The following GALNT14 variants were observed in gnomAD, a reference collection of about 807,000 sequenced individuals.
GALNT14 encodes polypeptide N-acetylgalactosaminyltransferase 14.
GALNT14 carries 60 observed loss-of-function variants against 77.5 expected under a neutral mutation model. The observed-to-expected ratio is 0.77, with a 90% confidence interval of 0.63 to 0.96. GALNT14 has a LOEUF of 0.96. Among genes scored for constraint, GALNT14 ranks in the 40% least tolerant of loss-of-function variants. The probability of loss-of-function intolerance (pLI) is 0.00; values close to 1 mark genes in which losing one functional copy is unlikely to be tolerated. For missense variants in GALNT14, 710 were observed against 731.0 expected (o/e 0.97, Z 0.33); for synonymous variants, 280 against 281.7 (o/e 0.99, Z 0.06).
chr2:30,952,762 A>G (rs1667107221), intron 6 of GALNT14, among the ~76,000 whole-genome samples: 1 of 145,306 alleles, frequency 6.9e-6, no homozygotes, highest in Non-Finnish European at 1.5e-5. Context: ...AAGCATAATA[A>G]AAAAAAAAAA....
At chr2:31,045,447 C>T (rs945911857) in intron 1 of GALNT14, among the ~76,000 whole-genome samples, 1 of 152,118 alleles carries the variant, frequency 6.6e-6, no homozygotes, top group African/African-American at 2.4e-5. Flanking sequence ...CATGACCCCT[C>T]CCCCATTTTC....
chr2:30,941,246 A>G (rs1666362257), intron 9 of GALNT14, among the ~76,000 whole-genome samples: 1 of 152,180 alleles, frequency 6.6e-6, no homozygotes, highest in African/African-American at 2.4e-5. Flanking sequence ...TGATGTGTTC[A>G]TTCAACAAAT....
chr2:30,950,133 C>T (rs987922929), intron 6 of GALNT14, among the ~76,000 whole-genome samples: 3 of 152,142 alleles, frequency 2.0e-5, no homozygotes, highest in African/African-American at 7.2e-5. Flanking sequence ...GAGAGAAAGG[C>T]ATGTGATAAG....
Position 31,138,221 on chromosome 2 carries a change from G to T in GALNT14, c.-135C>A. Reference sequence around the variant, plus strand: ...AGACCCAGGATCCGGTTGGAGGGGCGGCAGGATCCTGCAAGGCGCCCTTCC... The same window carrying T: ...AGACCCAGGATCCGGTTGGAGGGGCTGCAGGATCCTGCAAGGCGCCCTTCC... On this transcript the variant is annotated 5_prime_UTR_variant, in exon 1 of 15. Transcript: ENST00000349752. The T allele has an allele frequency of 1.8e-6, 2 of 1,119,522 alleles. No homozygotes were observed. Among genetic ancestry groups the T allele is most frequent in the Non-Finnish European group, 2.5e-6 (2 of 788,792 alleles). The allele number at this position is 1,119,522 out of a possible 1,614,324, so 69.3% of individuals were successfully genotyped here. A position where few individuals can be genotyped will look rare whatever the true frequency, so the allele number is the denominator to read the frequency against.
chr2:30,962,174 CCA>C (rs2148333196), intron 3 of GALNT14, among the ~76,000 whole-genome samples: 1 of 152,314 alleles, frequency 6.6e-6, no homozygotes, highest in African/African-American at 2.4e-5. Context: ...AGGCACTGCT[CCA>C]AGTCCTTTCC....
At chr2:31,083,773 C>A (rs916280892) in intron 1 of GALNT14, among the ~76,000 whole-genome samples, 11 of 152,238 alleles carry the variant, frequency 7.2e-5, no homozygotes, top group Admixed American at 2.0e-4. Flanking sequence ...GGCACTGCTG[C>A]CCTGTGCTAG....
chr2:30,979,214 AG>A (rs1177263094), intron 2 of GALNT14, among the ~76,000 whole-genome samples: 6 of 152,184 alleles, frequency 3.9e-5, no homozygotes, highest in Admixed American at 2.0e-4. Flanking sequence ...CCCAGACGAG[AG>A]GGGGCAGCGG....
At chr2:30,904,061 G>A in the GALNT14 span, among the ~76,000 whole-genome samples, 1 of 152,192 alleles carries the variant, frequency 6.6e-6, no homozygotes, top group Non-Finnish European at 1.5e-5. Flanking sequence ...GCAAGGAGTG[G>A]TGTCAGAATC....
chr2:31,132,765 G>C (rs1358712050), intron 1 of GALNT14: 1 of 470,570 alleles, frequency 2.1e-6, no homozygotes, highest in Non-Finnish European at 4.4e-6. Flanking sequence ...CATCTTGCCT[G>C]GGGGCCAGAC....
In GALNT14 at chr2:30,945,079, T is replaced by C. The variant is rs1038509296; in HGVS notation, c.743-137A>G. ...AGAGGCCGGTCCCTGGGATTGCAGG[T>C]TTCCCTAGGCTGATCAGCAGCATGG... is the stretch of plus-strand genomic sequence containing the variant. On this transcript the variant is annotated intron_variant, in intron 7 of 14. Transcript: ENST00000349752. 2.4e-5 allele frequency: 15 copies of C among 630,890 alleles called. No homozygotes were observed. The African/African-American group carries it at 2.7e-4, about 11-fold the overall frequency. The allele number at this position is 630,890 out of a possible 1,614,324, so 39.1% of individuals were successfully genotyped here.
At chr2:31,104,561 C>A (rs1208875391) in intron 1 of GALNT14, among the ~76,000 whole-genome samples, 1 of 152,182 alleles carries the variant, frequency 6.6e-6, no homozygotes, top group Non-Finnish European at 1.5e-5. Flanking sequence ...ACTTCCAGGT[C>A]CAGGATCCTA....
chr2:31,067,881 C>G (rs184658828), intron 1 of GALNT14, among the ~76,000 whole-genome samples: 1 of 152,152 alleles, frequency 6.6e-6, no homozygotes, highest in South Asian at 2.1e-4. Flanking sequence ...GCATGCACAC[C>G]GTTACTCCTC....
rs751324595 is a variant in GALNT14 at position 30,924,720 on chromosome 2, C to T, written c.1235+20G>A. On this transcript the variant is annotated intron_variant, in intron 12 of 14. Transcript: ENST00000349752. ...CCTCTGCTTTCAGCCAGCCAAAGCT[C>T]CAACAGGTAGGACGGATACCTGAGT... 6.2e-7 allele frequency: 1 copy of T among 1,609,850 alleles called. No individual in the cohort carries two copies. The highest frequency in any genetic ancestry group is 8.5e-7 in the Non-Finnish European group (1 of 1,176,404).
At chr2:30,931,554 C>T (rs1665729573) in intron 10 of GALNT14, among the ~76,000 whole-genome samples, 1 of 152,068 alleles carries the variant, frequency 6.6e-6, no homozygotes, top group Admixed American at 6.5e-5. Flanking sequence ...AGACAGGAGC[C>T]CAGGGTCTCA....
At chr2:30,923,844 A>G (rs1346572555) in intron 13 of GALNT14, among the ~76,000 whole-genome samples, 1 of 152,162 alleles carries the variant, frequency 6.6e-6, no homozygotes, top group Non-Finnish European at 1.5e-5. Context: ...CAACTACAAC[A>G]AACTCATTAA....
chr2:31,043,478 G>A (rs897447257), intron 1 of GALNT14, among the ~76,000 whole-genome samples: 4 of 152,190 alleles, frequency 2.6e-5, no homozygotes, highest in African/African-American at 9.7e-5. Context: ...AGAAGAAACA[G>A]TGTAGACAAA....
At chr2:31,060,162 G>A (rs531393372) in intron 1 of GALNT14, among the ~76,000 whole-genome samples, 1 of 152,292 alleles carries the variant, frequency 6.6e-6, no homozygotes, top group African/African-American at 2.4e-5. Flanking sequence ...GGGTGAGGAG[G>A]AAACCAGTAC....
intron 13 of GALNT14, among the ~76,000 whole-genome samples, chr2:30,923,187 T>A (rs1448002290): frequency 6.7e-6 from 1 of 149,656 alleles, no homozygotes; most frequent in African/African-American, 2.5e-5. Context: ...CTCAGCCCCC[T>A]GAGTAGCTGG....
chr2:30,923,457 C>T (rs1034740263), intron 13 of GALNT14, among the ~76,000 whole-genome samples: 2 of 152,022 alleles, frequency 1.3e-5, no homozygotes, highest in Non-Finnish European at 2.9e-5. Context: ...AAGACTGTCC[C>T]AAAAAACATG....
Sources: gnomAD v4.1 joint callset for allele counts (sites outside exome capture counted in the v4.1 genomes callset) on GRCh38, gnomAD v4.1.1 for gene constraint, MANE v1.5 for transcripts, NCBI Gene and HGNC (gene_info 2026-07-23, HGNC 2026-07-21) for gene names.